Variants in DSCAM observed in about 807,000 individuals in gnomAD.
DSCAM encodes cell adhesion molecule DSCAM.
A neutral mutation model predicts 217.7 loss-of-function variants in DSCAM; 47 were observed. The observed-to-expected ratio is 0.22, with a 90% CI of 0.17 to 0.28. The LOEUF (loss-of-function observed/expected upper bound fraction) is 0.28, where lower values mean the gene tolerates loss of function less well. DSCAM is among the 10% of genes least tolerant of loss of function. The probability of loss-of-function intolerance (pLI) is 1.00; values close to 1 mark genes in which losing one functional copy is unlikely to be tolerated. For synonymous variants in DSCAM, 1,056 were observed against 1,015.3 expected (o/e 1.04, Z -0.76); for missense variants, 2,080 against 2,618.3 (o/e 0.79, Z 4.49).
Position 40,103,594 on chromosome 21 carries a change from G to A in DSCAM, c.3697-9720C>T, listed in dbSNP as rs1263473941. On this transcript the variant is annotated intron_variant, in intron 20 of 32. Coordinates refer to ENST00000400454, the MANE Select transcript of DSCAM (RefSeq NM_001389.5). ...AAAGATCTTCCTAAAGGCATAGGTT[G>A]AGAGGCCAACATTGGTAGAAATGGG... 7.2e-5 allele frequency among the ~76,000 whole-genome samples: 11 copies of A among 152,036 alleles called. No homozygotes were observed. In the South Asian group the frequency reaches 1.0e-3, roughly 14 times the overall value.
intron 3 of DSCAM, among the ~76,000 whole-genome samples, chr21:40,471,080 G>C (rs773100186): frequency 6.6e-6 from 1 of 152,068 alleles, no homozygotes; most frequent in Non-Finnish European, 1.5e-5. Context: ...GTGTCAGAGC[G>C]GATAAAAACA....
At chr21:40,570,662 A>G (rs2076799083) in intron 3 of DSCAM, among the ~76,000 whole-genome samples, 1 of 152,256 alleles carries the variant, frequency 6.6e-6, no homozygotes, top group South Asian at 2.1e-4. Flanking sequence ...GAACAGGTGA[A>G]GAACTACAGC....
At chr21:40,741,062 T>A (rs1016306651) in intron 1 of DSCAM, among the ~76,000 whole-genome samples, 4 of 152,162 alleles carry the variant, frequency 2.6e-5, no homozygotes, top group Non-Finnish European at 5.9e-5. Context: ...ACCAAGGCCC[T>A]CTTATGGAAG....
At chr21:40,774,202 TGA>T (rs1374374952) in intron 1 of DSCAM, among the ~76,000 whole-genome samples, 1 of 152,158 alleles carries the variant, frequency 6.6e-6, no homozygotes, top group Non-Finnish European at 1.5e-5. Context: ...TCTCTCTCTC[TGA>T]GATTTTAATA....
intron 11 of DSCAM, among the ~76,000 whole-genome samples, chr21:40,265,068 C>T (rs2073505884): frequency 1.4e-5 from 2 of 140,392 alleles, no homozygotes; most frequent in Admixed American, 8.2e-5. Context: ...TGACAGGCAT[C>T]TATAATCCCA....
chr21:40,587,256 T>G (rs565650485), intron 3 of DSCAM, among the ~76,000 whole-genome samples: 1 of 152,290 alleles, frequency 6.6e-6, no homozygotes, highest in Admixed American at 6.5e-5. Context: ...ATGAGAACAC[T>G]AGGGTCATGT....
chr21:40,500,137 G>C (rs1260240964), intron 3 of DSCAM, among the ~76,000 whole-genome samples: 1 of 152,164 alleles, frequency 6.6e-6, no homozygotes, highest in Non-Finnish European at 1.5e-5. Context: ...GGGAGGAGGA[G>C]AAAAGGGAGA....
chr21:40,315,325 AC>A (rs1336576991), intron 8 of DSCAM, among the ~76,000 whole-genome samples: 1 of 151,228 alleles, frequency 6.6e-6, no homozygotes, highest in Non-Finnish European at 1.5e-5. Context: ...AATTGCTTGA[AC>A]CCGGGAGGCT....
chr21:40,309,740 G>A (rs764605108), intron 9 of DSCAM, among the ~76,000 whole-genome samples: 8 of 152,028 alleles, frequency 5.3e-5, no homozygotes, highest in Non-Finnish European at 5.9e-5. Flanking sequence ...TTGCTTTACC[G>A]CCAAAATAGA....
At position 40,798,568 on chromosome 21, in the gene DSCAM, C is replaced by T. The variant is rs542382882; in HGVS notation, c.43+48051G>A. Among the ~76,000 whole-genome samples, 6 of 152,098 alleles carry T rather than the reference C, an allele frequency of 3.9e-5. No homozygotes were observed. The South Asian group carries it at 1.0e-3, about 26-fold the overall frequency. ...GGCAATAATAATATTTCAGGAATGA[C>T]CTGAATCTACAGTAGAGGATCAGCT... On this transcript the variant is annotated intron_variant, in intron 1 of 32. Transcript: ENST00000400454.
chr21:40,278,371 A>G (rs1458069361), intron 10 of DSCAM, among the ~76,000 whole-genome samples: 1 of 152,178 alleles, frequency 6.6e-6, no homozygotes, highest in African/African-American at 2.4e-5. Flanking sequence ...ACAAATACTC[A>G]TCTCTGCCAC....
intron 19 of DSCAM, among the ~76,000 whole-genome samples, chr21:40,132,674 G>A (rs1255061765): frequency 2.0e-5 from 3 of 152,228 alleles, no homozygotes; most frequent in Non-Finnish European, 4.4e-5. Context: ...GCTGCTCGGA[G>A]GAGCAAGGCC....
chr21:40,126,342 G>A (rs2090093648), intron 19 of DSCAM, among the ~76,000 whole-genome samples: 2 of 151,934 alleles, frequency 1.3e-5, no homozygotes, highest in South Asian at 4.1e-4. Flanking sequence ...AGAAAAGAAA[G>A]AAGAAAAGAA....
At chr21:40,165,275 C>T (rs771867070) in intron 16 of DSCAM, among the ~76,000 whole-genome samples, 36 of 152,254 alleles carry the variant, frequency 2.4e-4, no homozygotes, top group South Asian at 6.2e-4. Context: ...CTTAAGATTT[C>T]GTGTAATAGT....
At chr21:40,606,151 CAAAT>C (rs933603738) in intron 3 of DSCAM, among the ~76,000 whole-genome samples, 9 of 152,104 alleles carry the variant, frequency 5.9e-5, no homozygotes, top group African/African-American at 2.2e-4. Flanking sequence ...TTTCTTTAAA[CAAAT>C]ACTCTACTTT....
intron 3 of DSCAM, among the ~76,000 whole-genome samples, chr21:40,536,621 T>G (rs183552729): frequency 6.6e-6 from 1 of 152,150 alleles, no homozygotes; most frequent in Admixed American, 6.5e-5. Flanking sequence ...TTAGCCAGGA[T>G]GGTCTCGATC....
chr21:40,669,947 TA>T (rs35330474), intron 3 of DSCAM, among the ~76,000 whole-genome samples: 47 of 149,186 alleles, frequency 3.2e-4, no homozygotes, highest in Middle Eastern at 3.5e-3. Flanking sequence ...ATGGCTATAA[TA>T]AAAAAAAAAG....
At chr21:40,395,081 T>C (rs2075166784) in intron 3 of DSCAM, among the ~76,000 whole-genome samples, 1 of 152,212 alleles carries the variant, frequency 6.6e-6, no homozygotes, top group Non-Finnish European at 1.5e-5. Context: ...CGAAAAACAT[T>C]GGCAAGATTG....
At chr21:40,463,310 G>A (rs990156594) in intron 3 of DSCAM, among the ~76,000 whole-genome samples, 1 of 152,000 alleles carries the variant, frequency 6.6e-6, no homozygotes, top group Non-Finnish European at 1.5e-5. Context: ...GCTGGACATA[G>A]CTGAACATCC....
Sources: gnomAD v4.1 joint callset for allele counts (sites outside exome capture counted in the v4.1 genomes callset) on GRCh38, gnomAD v4.1.1 for gene constraint, MANE v1.5 for transcripts, NCBI Gene and HGNC (gene_info 2026-07-23, HGNC 2026-07-21) for gene names.